Variants in CHCHD6 observed in about 807,000 individuals in gnomAD.
CHCHD6 encodes the protein coiled-coil-helix-coiled-coil-helix domain containing 6.
In CHCHD6, 28 loss-of-function variants were observed where a neutral mutation model predicts 32.3. The observed-to-expected ratio is 0.87, with a 90% CI of 0.64 to 1.19. The LOEUF is 1.19. Ranked by LOEUF, CHCHD6 falls within the 50% of genes most tolerant of loss-of-function variation. CHCHD6 has a pLI of 0.00. For missense variants in CHCHD6, 333 were observed against 307.0 expected, an observed-to-expected ratio of 1.08 and a Z score of -0.63; for synonymous variants, 122 against 117.5, an observed-to-expected ratio of 1.04 and a Z score of -0.25.
intron 6 of CHCHD6, among the ~76,000 whole-genome samples, chr3:126,930,934 T>C (rs1576617429): frequency 6.6e-6 from 1 of 152,226 alleles, no homozygotes; most frequent in East Asian, 1.9e-4. Context: ...GGCTGGCTCT[T>C]GGGAGCGCCC....
intron 5 of CHCHD6, among the ~76,000 whole-genome samples, chr3:126,863,228 C>G (rs1942026122): frequency 7.0e-6 from 1 of 142,192 alleles, no homozygotes; most frequent in Non-Finnish European, 1.6e-5. Context: ...ATCACCACCT[C>G]CCCCTCCTCC....
intron 4 of CHCHD6, among the ~76,000 whole-genome samples, chr3:126,792,637 T>TA (rs1218195516): frequency 4.6e-5 from 7 of 152,250 alleles, no homozygotes; most frequent in African/African-American, 1.7e-4. Flanking sequence ...CAATTTCAAT[T>TA]AATTTGCATT....
chr3:126,721,531 T>A (rs1935294381), intron 1 of CHCHD6, among the ~76,000 whole-genome samples: 1 of 152,248 alleles, frequency 6.6e-6, no homozygotes, highest in Admixed American at 6.5e-5. Flanking sequence ...CTGTCTGGGC[T>A]GCTTCTCTTT....
chr3:126,762,075 G>T lies in CHCHD6; in HGVS notation c.411+28853G>T, dbSNP rs535414886. ...GTCTTGCTAAAGGCTTGTCAATTTT[G>T]TTGATCTTTTAAAAGAACCAACTTT... On this transcript the variant is annotated intron_variant, in intron 4 of 7. Transcript: ENST00000290913. Among the ~76,000 whole-genome samples the T allele has an allele frequency of 3.9e-5, 6 of 151,934 alleles. No homozygotes were observed. In the East Asian group the frequency reaches 1.2e-3, roughly 29 times the overall value.
chr3:126,823,052 C>T (rs1253797423), intron 4 of CHCHD6, among the ~76,000 whole-genome samples: 1 of 152,068 alleles, frequency 6.6e-6, no homozygotes, highest in Non-Finnish European at 1.5e-5. Context: ...ACTACAGGCA[C>T]ACATCACCAC....
At chr3:126,833,160 C>T (rs1443350440) in intron 4 of CHCHD6, among the ~76,000 whole-genome samples, 1 of 152,230 alleles carries the variant, frequency 6.6e-6, no homozygotes, top group Admixed American at 6.5e-5. Context: ...TGCACATGCT[C>T]ATACATATGT....
chr3:126,814,031 T>C (rs1457368669), intron 4 of CHCHD6, among the ~76,000 whole-genome samples: 1 of 152,200 alleles, frequency 6.6e-6, no homozygotes, highest in African/African-American at 2.4e-5. Context: ...CGTAGCTAAC[T>C]TTGCTAGAAT....
intron 4 of CHCHD6, among the ~76,000 whole-genome samples, chr3:126,740,956 C>T (rs1428126917): frequency 1.3e-5 from 2 of 152,294 alleles, no homozygotes; most frequent in African/African-American, 2.4e-5. Flanking sequence ...ACATGGTGTT[C>T]GGTCATGGGA....
At chr3:126,911,064 A>G (rs1035834451) in intron 5 of CHCHD6, among the ~76,000 whole-genome samples, 1 of 152,184 alleles carries the variant, frequency 6.6e-6, no homozygotes, top group Non-Finnish European at 1.5e-5. Flanking sequence ...TGTTTAGTGT[A>G]AATAAAAAAA....
intron 4 of CHCHD6, chr3:126,766,874 G>C: frequency 1.0e-6 from 1 of 967,792 alleles, no homozygotes; most frequent in Non-Finnish European, 1.7e-6. Flanking sequence ...AGCTTCACCA[G>C]GTGGGGGACC....
chr3:126,852,585 C>T (rs1374506217), intron 4 of CHCHD6, 62 bp from the exon 5 acceptor site: 4 of 1,248,402 alleles, frequency 3.2e-6, no homozygotes, highest in African/African-American at 1.5e-5. Flanking sequence ...CGCCTTCTCC[C>T]TGCAGCACCA....
chr3:126,863,341 A>C (rs1576516911), intron 5 of CHCHD6, among the ~76,000 whole-genome samples: 1 of 98,948 alleles, frequency 1.0e-5, no homozygotes, highest in African/African-American at 4.5e-5. Flanking sequence ...CTCCTCCATC[A>C]CCTCCTCCTC....
At chr3:126,878,217 C>T (rs765511103) in intron 5 of CHCHD6, among the ~76,000 whole-genome samples, 3 of 152,140 alleles carry the variant, frequency 2.0e-5, no homozygotes, top group African/African-American at 4.8e-5. Context: ...GCTTTGTTCC[C>T]GGAAAGAACA....
intron 4 of CHCHD6, among the ~76,000 whole-genome samples, chr3:126,751,451 G>A (rs1264649581): frequency 1.4e-5 from 2 of 143,802 alleles, no homozygotes; most frequent in East Asian, 2.2e-4. Context: ...GCAGTGAGCC[G>A]AGATCATGTC....
intron 4 of CHCHD6, among the ~76,000 whole-genome samples, chr3:126,735,025 G>A (rs1576352917): frequency 6.6e-6 from 1 of 152,264 alleles, no homozygotes; most frequent in East Asian, 1.9e-4. Flanking sequence ...GCCAGGGCAT[G>A]CCTTCAGAGG....
At chr3:126,849,257 C>T (rs1224900783) in intron 4 of CHCHD6, among the ~76,000 whole-genome samples, 3 of 152,370 alleles carry the variant, frequency 2.0e-5, no homozygotes, top group East Asian at 1.9e-4. Context: ...TGACCCTGCA[C>T]GATAAAGAGG....
intron 5 of CHCHD6, among the ~76,000 whole-genome samples, chr3:126,878,701 T>G (rs1423672643): frequency 2.0e-5 from 3 of 152,256 alleles, no homozygotes; most frequent in Non-Finnish European, 4.4e-5. Context: ...TGAATTGGTC[T>G]GAAGCTATTG....
rs1393848159 is a variant in CHCHD6 at position 126,755,794 on chromosome 3, TTGG to T, written c.411+22576_411+22578del. On this transcript the variant is annotated intron_variant, in intron 4 of 7. Coordinates refer to ENST00000290913, the MANE Select transcript of CHCHD6 (RefSeq NM_032343.3). ...CTTCTTATTGTGAAATATCCAGGTG[TTGG>T]TGGCACTGTTGTCTATGTGTGTGTG... Among the ~76,000 whole-genome samples, 4 of 152,028 alleles carry T rather than the reference TTGG, an allele frequency of 2.6e-5. No individual in the cohort carries two copies. The East Asian group carries it at 5.8e-4, about 22-fold the overall frequency.
intron 4 of CHCHD6, among the ~76,000 whole-genome samples, chr3:126,757,766 G>A (rs564959970): frequency 1.3e-5 from 2 of 152,146 alleles, no homozygotes; most frequent in African/African-American, 2.4e-5. Context: ...GAGCACCTAC[G>A]TACCACAGAG....
Sources: allele counts gnomAD v4.1 joint callset (sites outside exome capture counted in the v4.1 genomes callset), GRCh38; gene constraint gnomAD v4.1.1; transcripts MANE v1.5; gene names NCBI Gene and HGNC (gene_info 2026-07-23, HGNC 2026-07-21).